The following SHROOM2 variants were observed in gnomAD, a reference collection of about 807,000 sequenced individuals.
The protein encoded by SHROOM2 is shroom family member 2.
SHROOM2 carries 33 observed loss-of-function variants against 75.9 expected under a neutral mutation model. The ratio of observed to expected loss-of-function variants is 0.43; its 90% CI spans 0.33 to 0.58. SHROOM2 has a LOEUF of 0.58. Ranked by LOEUF, SHROOM2 falls within the 20% of genes least tolerant of loss-of-function variation. The pLI is 0.04. For synonymous variants in SHROOM2, 655 were observed against 663.6 expected, an observed-to-expected ratio of 0.99 and a Z score of 0.20; for missense variants, 1,434 against 1,461.2, an observed-to-expected ratio of 0.98 and a Z score of 0.30.
intron 1 of SHROOM2, among the ~76,000 whole-genome samples, chrX:9,837,597 C>T (rs183937097): frequency 1.3e-3 from 144 of 112,330 alleles, no homozygotes; most frequent in African/African-American, 4.5e-3. Context: ...GGAGAGTGGG[C>T]GCTGGGCTGT....
At chrX:9,854,037 G>A (rs2084053987) in intron 1 of SHROOM2, among the ~76,000 whole-genome samples, 1 of 112,336 alleles carries the variant, frequency 8.9e-6, no homozygotes, top group African/African-American at 3.2e-5. Context: ...CTTCAGACCA[G>A]GTACACGTAG....
intron 5 of SHROOM2, among the ~76,000 whole-genome samples, chrX:9,900,204 GT>G (rs914610967): frequency 4.0e-4 from 43 of 106,998 alleles, no homozygotes; most frequent in African/African-American, 1.3e-3. Context: ...GTTGGGTGCG[GT>G]TTTTTTTTTG....
At chrX:9,854,794 T>C (rs1419859741) in intron 1 of SHROOM2, among the ~76,000 whole-genome samples, 1 of 110,797 alleles carries the variant, frequency 9.0e-6, no homozygotes, top group Non-Finnish European at 1.9e-5. Flanking sequence ...TGGAGAGTTA[T>C]ATTAAATTCA....
At chrX:9,882,864 C>T (rs1321325712) in intron 2 of SHROOM2, among the ~76,000 whole-genome samples, 1 of 111,860 alleles carries the variant, frequency 8.9e-6, no homozygotes, top group Non-Finnish European at 1.9e-5. Context: ...TATCTTGCCT[C>T]AGTTCTCTTC....
Position 9,786,612 on chromosome X carries a change from G to T in SHROOM2, c.67G>T (p.Gly23Cys). The T allele has an allele frequency of 1.1e-6, 1 of 879,121 alleles. No homozygotes were observed. Among genetic ancestry groups the T allele is most frequent in the Non-Finnish European group, 1.4e-6 (1 of 718,606 alleles). 72.4% of individuals were successfully genotyped at this position (879,121 alleles called of 1,213,427 possible). A position where few individuals can be genotyped will look rare whatever the true frequency, so the allele number is the denominator to read the frequency against. The change falls in exon 1 of 10, where the codon GGC becomes TGC. Residue 23 changes from glycine to cysteine, a missense_variant. This residue lies in a region of SHROOM2 where 1,340 missense variants were observed against 1,338.3 expected (regional missense o/e 1.00). Coordinates refer to ENST00000380913, the MANE Select transcript of SHROOM2 (RefSeq NM_001649.4). ...CGAGGCCGAGACGCGGGCGGCGGAC[G>T]GCGGGCGCCTGGTGGAGGTGCAGCT... is the stretch of plus-strand genomic sequence containing the variant. ...LAEAETRAAD[G>C]GRLVEVQLSG...
At chrX:9,866,289 G>C in intron 1 of SHROOM2, among the ~76,000 whole-genome samples, 1 of 109,091 alleles carries the variant, frequency 9.2e-6, no homozygotes, top group Non-Finnish European at 1.9e-5. Context: ...AATAAATTAA[G>C]CAGACTGAGA....
At chrX:9,891,238 C>T in intron 3 of SHROOM2, 130 bp downstream of exon 3, 3 of 850,816 alleles carry the variant, frequency 3.5e-6, no homozygotes, top group South Asian at 6.1e-5. Context: ...AGTTGGAGGG[C>T]TCTGAATTTT....
intron 1 of SHROOM2, among the ~76,000 whole-genome samples, chrX:9,803,981 G>A (rs1424077818): frequency 9.0e-6 from 1 of 111,370 alleles, no homozygotes; most frequent in Non-Finnish European, 1.9e-5. Context: ...CATTTTAACG[G>A]TCCTAATCTG....
intron 1 of SHROOM2, among the ~76,000 whole-genome samples, chrX:9,864,192 C>T (rs184565328): frequency 5.0e-4 from 56 of 111,126 alleles, no homozygotes; most frequent in African/African-American, 1.7e-3. Flanking sequence ...TGTTGACGAG[C>T]TGTCACATCA....
At chrX:9,927,356 CAAAAAAAAAAAAAAAAAAA>C (rs56344026) in intron 5 of SHROOM2, among the ~76,000 whole-genome samples, 11 of 24,397 alleles carry the variant, frequency 4.5e-4, no homozygotes, top group East Asian at 2.3e-3. Flanking sequence ...TCTCTGTCTC[CAAAAAAAAAAAAAAAAAAA>C]AAAAAAAAAA....
chrX:9,891,656 G>A lies in SHROOM2; in HGVS notation c.449+548G>A, dbSNP rs191855969. On this transcript the variant is annotated intron_variant, in intron 3 of 9. Transcript: ENST00000380913. ...CTTGCGTGAGTGTGTGTGTGTATCT[G>A]TGTATGTTTACGGGTGTGAGTGTGT... 1.2e-3 allele frequency among the ~76,000 whole-genome samples: 132 copies of A among 111,120 alleles called. 1 individual carries two copies. The highest frequency in any genetic ancestry group is 2.6e-3 in the Admixed American group (27 of 10,510).
intron 1 of SHROOM2, among the ~76,000 whole-genome samples, chrX:9,808,380 CAA>C (rs766274874): frequency 2.8e-5 from 2 of 72,460 alleles, no homozygotes; most frequent in Admixed American, 1.7e-4. Flanking sequence ...TCTGTCTCTA[CAA>C]AAAAAAAAAA....
chrX:9,838,507 C>G (rs779840871), intron 1 of SHROOM2, among the ~76,000 whole-genome samples: 19 of 111,037 alleles, frequency 1.7e-4, no homozygotes, highest in Non-Finnish European at 3.4e-4. Context: ...GTAGATCAAG[C>G]CTTGACTACT....
chrX:9,860,140 A>G (rs1334989250), intron 1 of SHROOM2, among the ~76,000 whole-genome samples: 2 of 111,696 alleles, frequency 1.8e-5, no homozygotes, highest in Admixed American at 9.5e-5. Context: ...GGAGGGTGCT[A>G]CTGGCTTCTA....
chrX:9,922,570 C>A (rs1186250847), intron 5 of SHROOM2, among the ~76,000 whole-genome samples: 1 of 110,164 alleles, frequency 9.1e-6, no homozygotes, highest in Non-Finnish European at 1.9e-5. Context: ...CCCTGGGACC[C>A]ATTCTCACTG....
intron 4 of SHROOM2, among the ~76,000 whole-genome samples, 192 bp downstream of exon 4, chrX:9,896,890 A>G (rs2084335722): frequency 8.9e-6 from 1 of 112,751 alleles, no homozygotes. Flanking sequence ...TTAAACTGCC[A>G]TATTCCCGAA....
intron 5 of SHROOM2, among the ~76,000 whole-genome samples, chrX:9,903,203 C>T (rs1191820666): frequency 8.9e-6 from 1 of 112,055 alleles, no homozygotes; most frequent in Non-Finnish European, 1.9e-5. Context: ...CATCCAAGCT[C>T]TCCCCCTCAT....
At chrX:9,821,435 G>GA (rs2083852763) in intron 1 of SHROOM2, among the ~76,000 whole-genome samples, 1 of 111,161 alleles carries the variant, frequency 9.0e-6, no homozygotes, top group South Asian at 3.8e-4. Context: ...TTGCAAGAAG[G>GA]AGGGGGTAAA....
At chrX:9,841,115 C>G (rs763517138) in intron 1 of SHROOM2, among the ~76,000 whole-genome samples, 10 of 111,561 alleles carry the variant, frequency 9.0e-5, no homozygotes, top group African/African-American at 2.9e-4. Context: ...GTCACCACGC[C>G]TGGTTAATTT....
Sources: allele counts gnomAD v4.1 joint callset (sites outside exome capture counted in the v4.1 genomes callset), GRCh38; gene constraint gnomAD v4.1.1; regional missense constraint gnomAD v4.1.1; transcripts MANE v1.5; gene names NCBI Gene and HGNC (gene_info 2026-07-23, HGNC 2026-07-21).